Variants in SLC24A4 observed in about 807,000 individuals in gnomAD.
The protein encoded by SLC24A4 is solute carrier family 24 member 4.
SLC24A4 carries 53 observed loss-of-function variants against 79.0 expected under a neutral mutation model. The observed-to-expected ratio is 0.67, with a 90% CI of 0.54 to 0.84. The LOEUF is 0.84. Among genes scored for constraint, SLC24A4 ranks in the 40% least tolerant of loss-of-function variants. The pLI, the probability that SLC24A4 is intolerant of heterozygous loss-of-function variation, is 0.00. For missense variants in SLC24A4, 731 were observed against 822.0 expected, an observed-to-expected ratio of 0.89 and a Z score of 1.35; for synonymous variants, 323 against 323.8, an observed-to-expected ratio of 1.00 and a Z score of 0.03.
chr14:92,364,054 C>T (rs1418961302), intron 2 of SLC24A4, among the ~76,000 whole-genome samples: 3 of 152,152 alleles, frequency 2.0e-5, no homozygotes, highest in Non-Finnish European at 2.9e-5. Context: ...TTCTTCTGCT[C>T]GCAGGGTACA....
At chr14:92,424,955 G>A (rs796795923) in intron 2 of SLC24A4, among the ~76,000 whole-genome samples, 32 of 152,248 alleles carry the variant, frequency 2.1e-4, no homozygotes, top group African/African-American at 7.7e-4. Context: ...TGCGCCCAGG[G>A]CATTAATCTA....
intron 2 of SLC24A4, among the ~76,000 whole-genome samples, chr14:92,330,072 AG>A (rs772925120): frequency 2.9e-4 from 44 of 152,184 alleles, no homozygotes; most frequent in Non-Finnish European, 5.3e-4. Context: ...GAATGAAGTC[AG>A]AGGTGGTGCT....
intron 12 of SLC24A4, chr14:92,457,377 A>G (rs1893542080): frequency 6.5e-6 from 1 of 152,844 alleles, no homozygotes; most frequent in Non-Finnish European, 1.5e-5. Context: ...CCACATGCCC[A>G]CTTCCTCACC....
chr14:92,411,109 A>G (rs1388064301), intron 2 of SLC24A4, among the ~76,000 whole-genome samples: 1 of 152,284 alleles, frequency 6.6e-6, no homozygotes. Context: ...GGTCCCAGAG[A>G]GGGAGTACAG....
intron 2 of SLC24A4, among the ~76,000 whole-genome samples, chr14:92,362,386 A>G (rs906572400): frequency 2.6e-5 from 4 of 151,694 alleles, no homozygotes; most frequent in African/African-American, 7.3e-5. Flanking sequence ...CGCCCTTCCC[A>G]TCTCTCCAGT....
At chr14:92,386,154 C>T (rs922567406) in intron 2 of SLC24A4, among the ~76,000 whole-genome samples, 6 of 152,034 alleles carry the variant, frequency 3.9e-5, no homozygotes, top group Admixed American at 2.0e-4. Flanking sequence ...TTCATGGTTT[C>T]GTTTTTTTCC....
intron 3 of SLC24A4, among the ~76,000 whole-genome samples, chr14:92,434,876 A>T (rs11160065): frequency 2.0e-5 from 3 of 152,010 alleles, no homozygotes; most frequent in Admixed American, 6.6e-5. Flanking sequence ...TGGGTTCAAA[A>T]GATTCTCCTG....
At chr14:92,484,190 G>A in intron 13 of SLC24A4, 1 of 985,030 alleles carries the variant, frequency 1.0e-6, no homozygotes, top group Middle Eastern at 5.2e-4. Context: ...ATCTCTCCCA[G>A]AGCATTACTG....
chr14:92,422,470 C>A (rs554945447), intron 2 of SLC24A4, among the ~76,000 whole-genome samples: 7 of 152,216 alleles, frequency 4.6e-5, no homozygotes, highest in African/African-American at 1.7e-4. Flanking sequence ...TTTGGCTCTG[C>A]CACTTACTGG....
chr14:92,367,798 A>G (rs900371908), intron 2 of SLC24A4, among the ~76,000 whole-genome samples: 8 of 152,194 alleles, frequency 5.3e-5, no homozygotes, highest in African/African-American at 1.9e-4. Context: ...GGAGGGATGA[A>G]AAACAGAGGA....
chr14:92,483,827 T>C (rs1267547339), intron 13 of SLC24A4: 1 of 1,289,910 alleles, frequency 7.8e-7, no homozygotes, highest in Non-Finnish European at 1.0e-6. Flanking sequence ...ATCGAGTCCC[T>C]TTATTCTCCT....
chr14:92,375,794 G>T (rs1888465476), intron 2 of SLC24A4, among the ~76,000 whole-genome samples: 1 of 152,178 alleles, frequency 6.6e-6, no homozygotes, highest in Non-Finnish European at 1.5e-5. Flanking sequence ...GGTTGTCAAG[G>T]GCTGTGGGGG....
rs748937562 is a variant in SLC24A4, at chr14:92,323,951, G to C, written c.121G>C (p.Gly41Arg). ...GGTGTGCTGTGCGTCCGGCCTCTTC[G>C]GCAGCTTGGGTGGGTGCTGGTACGG... is the stretch of plus-strand genomic sequence containing the variant. The part of the protein sequence containing the change: ...ALVCCASGLF[G>R]SLGHKTASAS... Residue 41 changes from glycine (G) to arginine (R), a missense_variant, in exon 1 of 17, where the codon GGC becomes CGC. Transcript: ENST00000532405. This position sits in a 1 kb window ranked among gnomAD's most constrained non-coding sequence, Gnocchi z 4.9. The C allele has an allele frequency of 6.2e-7, 1 of 1,610,770 alleles. No individual in the cohort carries two copies. The highest frequency in any genetic ancestry group is 8.5e-7 in the Non-Finnish European group (1 of 1,179,318).
At chr14:92,463,037 C>T (rs1893903645) in intron 12 of SLC24A4, among the ~76,000 whole-genome samples, 1 of 152,146 alleles carries the variant, frequency 6.6e-6, no homozygotes, top group Non-Finnish European at 1.5e-5. Context: ...GTTGAGTAAA[C>T]TGTGTTGAAT....
At chr14:92,371,907 C>T (rs936692697) in intron 2 of SLC24A4, among the ~76,000 whole-genome samples, 1 of 152,242 alleles carries the variant, frequency 6.6e-6, no homozygotes, top group African/African-American at 2.4e-5. Context: ...GGGGCCATGG[C>T]TGGGAGCCTG....
At chr14:92,439,149 C>T (rs1398648380) in intron 3 of SLC24A4, among the ~76,000 whole-genome samples, 186 bp from the exon 4 acceptor site, 1 of 152,216 alleles carries the variant, frequency 6.6e-6, no homozygotes, top group Non-Finnish European at 1.5e-5. Context: ...CCTCTCTGGG[C>T]CTCAGTTTCC....
intron 2 of SLC24A4, among the ~76,000 whole-genome samples, chr14:92,401,622 G>A (rs1890116613): frequency 6.6e-6 from 1 of 152,196 alleles, no homozygotes; most frequent in Non-Finnish European, 1.5e-5. Context: ...GTGTTGTGGA[G>A]TGGCAATGAG....
intron 2 of SLC24A4, among the ~76,000 whole-genome samples, chr14:92,351,277 A>G (rs1886851703): frequency 6.9e-6 from 1 of 145,652 alleles, no homozygotes; most frequent in Non-Finnish European, 1.6e-5. Flanking sequence ...AATACTGCCT[A>G]TGCCGAAAAC....
At chr14:92,478,063 TTC>T (rs2139911571) in intron 12 of SLC24A4, among the ~76,000 whole-genome samples, 1 of 151,996 alleles carries the variant, frequency 6.6e-6, no homozygotes, top group Non-Finnish European at 1.5e-5. Flanking sequence ...CATCTTGGCC[TTC>T]CAAAGTGCTG....
Sources: allele counts gnomAD v4.1 joint callset (sites outside exome capture counted in the v4.1 genomes callset), GRCh38; gene constraint gnomAD v4.1.1; non-coding constraint Gnocchi (gnomAD v3.1); transcripts MANE v1.5; gene names NCBI Gene and HGNC (gene_info 2026-07-23, HGNC 2026-07-21).